The following HSPA14 variants were observed in gnomAD, a reference collection of about 807,000 sequenced individuals.
HSPA14 encodes the protein heat shock 70 kDa protein 14.
A neutral mutation model predicts 65.5 loss-of-function variants in HSPA14; 37 were observed. The observed-to-expected ratio is 0.56, with a 90% CI of 0.43 to 0.74. The LOEUF (loss-of-function observed/expected upper bound fraction) is 0.74, where lower values mean the gene tolerates loss of function less well. Ranked by LOEUF, HSPA14 falls within the 30% of genes least tolerant of loss-of-function variation. The pLI is 0.00. For missense variants in HSPA14, 564 were observed against 607.6 expected (o/e 0.93, Z 0.75); for synonymous variants, 203 against 214.2 (o/e 0.95, Z 0.46).
In HSPA14 at chr10:14,852,873, A is replaced by G. The variant is rs567987777; in HGVS notation, c.734+342A>G. Reference sequence around the variant, plus strand: ...ACTGAGGCTTCATTGCCTTCTGAACAGTTTTTAAAAGTTTGGCTCTGGTGA... The same window carrying G: ...ACTGAGGCTTCATTGCCTTCTGAACGGTTTTTAAAAGTTTGGCTCTGGTGA... On this transcript the variant is annotated intron_variant, in intron 8 of 13. Coordinates refer to ENST00000378372, the MANE Select transcript of HSPA14 (RefSeq NM_016299.4). Among the ~76,000 whole-genome samples the G allele has an allele frequency of 3.3e-5, 5 of 152,306 alleles. No homozygotes were observed. The East Asian group carries it at 9.6e-4, about 29-fold the overall frequency.
rs758708366 is a variant in HSPA14, at chr10:14,854,175, C to T, written c.785C>T (p.Thr262Met). The T allele has an allele frequency of 3.7e-6, 6 of 1,611,228 alleles. No individual in the cohort carries two copies. Among genetic ancestry groups the T allele is most frequent in the South Asian group, 3.3e-5 (3 of 90,278 alleles). ...RGNARAMMKLTNSAEVAKHSL... is the reference protein window; with the variant it reads ...RGNARAMMKLMNSAEVAKHSL... ...AATGCGCGAGCCATGATGAAATTAACGAACAGTGCTGAAGTAGCGAAACAT... is the reference window on the plus strand; with the variant it reads ...AATGCGCGAGCCATGATGAAATTAATGAACAGTGCTGAAGTAGCGAAACAT... Residue 262 changes from threonine (T) to methionine (M), a missense_variant, in exon 9 of 14, where the codon ACG becomes ATG. By Grantham distance (81) the Thr-to-Met change is moderately conservative (BLOSUM62 -1). Transcript: ENST00000378372.
intron 10 of HSPA14, among the ~76,000 whole-genome samples, chr10:14,858,394 C>T (rs903309534): frequency 1.3e-5 from 2 of 152,184 alleles, no homozygotes; most frequent in Non-Finnish European, 2.9e-5. Context: ...AAGACACAGG[C>T]TTTTGAGAAC....
At chr10:14,851,796 C>T (rs1834110515) in intron 7 of HSPA14, among the ~76,000 whole-genome samples, 1 of 152,118 alleles carries the variant, frequency 6.6e-6, no homozygotes, top group East Asian at 1.9e-4. Flanking sequence ...AATGGATAGT[C>T]GTTCAACTTT....
intron 3 of HSPA14, chr10:14,843,584 C>T (rs1219690212): frequency 6.4e-7 from 1 of 1,550,574 alleles, no homozygotes; most frequent in East Asian, 2.4e-5. Flanking sequence ...GGGGATAGGC[C>T]CTTGACCAGT....
rs781115907 is a variant in HSPA14, at chr10:14,867,264, T to TG, written c.1175_1176insG (p.Ile392MetfsTer11). On this transcript the variant is annotated frameshift_variant, in exon 11 of 14. Coordinates refer to ENST00000378372, the MANE Select transcript of HSPA14 (RefSeq NM_016299.4). LOFTEE classifies it high-confidence loss of function. ...CTGTTGGTGGAAGACTCTCTTATGA[T>TG]AGAGTGTTCAGCCAGAGATATTTTA... The TG allele has an allele frequency of 1.9e-6, 3 of 1,613,372 alleles. No homozygotes were observed. The Admixed American group carries it at 5.0e-5, about 27-fold the overall frequency.
At chr10:14,850,189 C>G (rs1834097438) in intron 6 of HSPA14, among the ~76,000 whole-genome samples, 1 of 151,588 alleles carries the variant, frequency 6.6e-6, no homozygotes, top group African/African-American at 2.4e-5. Flanking sequence ...TAAGAATCGC[C>G]TGAACCCAGG....
At position 14,842,127 on chromosome 10, in the gene HSPA14, C is replaced by CT; in HGVS notation, c.221+1972dup. The stretch of plus-strand genomic sequence containing the variant: ...CCTGTAACTCTCATTCCCCTGTGGC[C>CT]TTCCAGCCAGAAATGCGGTCCTTGG... On this transcript the variant is annotated intron_variant, in intron 3 of 13. Coordinates refer to ENST00000378372, the MANE Select transcript of HSPA14 (RefSeq NM_016299.4). The surrounding 1 kb of genome is among the most constrained non-coding windows in gnomAD (Gnocchi z 5.2). 6.5e-7 allele frequency: 1 copy of CT among 1,530,834 alleles called. No homozygotes were observed. Among genetic ancestry groups the CT allele is most frequent in the Middle Eastern group, 1.7e-4 (1 of 5,984 alleles). 94.8% of individuals were successfully genotyped at this position (1,530,834 alleles called of 1,614,324 possible).
intron 9 of HSPA14, 80 bp from the exon 10 acceptor site, chr10:14,855,757 ATTTG>A (rs1834141304): frequency 3.0e-6 from 2 of 671,382 alleles, no homozygotes; most frequent in East Asian, 2.7e-5. Flanking sequence ...GAAAAGTGAT[ATTTG>A]TTTGATTGTA....
Position 14,842,908 on chromosome 10 carries a change from G to T in HSPA14, c.221+2751G>T. 2 of 1,170,812 alleles carry T rather than the reference G, an allele frequency of 1.7e-6. No individual in the cohort carries two copies. The highest frequency in any genetic ancestry group is 2.4e-6 in the Non-Finnish European group (2 of 847,140). 72.5% of individuals were successfully genotyped at this position (1,170,812 alleles called of 1,614,324 possible). Reference sequence around the variant, plus strand: ...GTCTTGTGGCTCTAAACATTTAGCTGTGTCTGTTTGGATAGTGTCCTCTTC... The same window carrying T: ...GTCTTGTGGCTCTAAACATTTAGCTTTGTCTGTTTGGATAGTGTCCTCTTC... On this transcript the variant is annotated intron_variant, in intron 3 of 13. Transcript: ENST00000378372. The surrounding 1 kb of genome is among the most constrained non-coding windows in gnomAD (Gnocchi z 5.2).
chr10:14,860,797 G>C (rs954256263), intron 10 of HSPA14, among the ~76,000 whole-genome samples: 1 of 152,064 alleles, frequency 6.6e-6, no homozygotes, highest in African/African-American at 2.4e-5. Context: ...GTCTGGGCTG[G>C]AGACATGTTT....
At position 14,855,930 on chromosome 10, in the gene HSPA14, A is replaced by G. The variant is rs116239900; in HGVS notation, c.980A>G (p.Asp327Gly). ...GLLDQNGFTA[D>G]DINKVVLCGG... ...TTAGATCAAAATGGATTTACAGCAG[A>G]TGATATCAACAAGGTAATGCTTTTA... Residue 327 changes from aspartate to glycine, a missense_variant, in exon 10 of 14, where the codon GAT becomes GGT. Asp to Gly is a moderately conservative substitution (Grantham distance 94, BLOSUM62 -1). Coordinates refer to ENST00000378372, the MANE Select transcript of HSPA14 (RefSeq NM_016299.4). The G allele has an allele frequency of 1.0e-5, 16 of 1,565,880 alleles. No individual in the cohort carries two copies. Among genetic ancestry groups the G allele is most frequent in the Non-Finnish European group, 1.4e-5 (16 of 1,136,738 alleles).
At position 14,854,517 on chromosome 10, in the gene HSPA14, C is replaced by T. The variant is rs548281280; in HGVS notation, c.890+237C>T. The stretch of plus-strand genomic sequence containing the variant: ...GGCTACAATTAGGAGTGTGCAAAGG[C>T]ATCCTAGAACCTTCAACCTAGATCC... On this transcript the variant is annotated intron_variant, in intron 9 of 13. Coordinates refer to ENST00000378372, the MANE Select transcript of HSPA14 (RefSeq NM_016299.4). Among the ~76,000 whole-genome samples, 10 of 152,208 alleles carry T rather than the reference C, an allele frequency of 6.6e-5. No individual in the cohort carries two copies. In the South Asian group the frequency reaches 1.9e-3, roughly 28 times the overall value.
At chr10:14,870,134 C>T (rs1832841999) in intron 12 of HSPA14, among the ~76,000 whole-genome samples, 1 of 151,782 alleles carries the variant, frequency 6.6e-6, no homozygotes, top group South Asian at 2.1e-4. Context: ...CAAATATAAT[C>T]TTAGTTGTAC....
intron 12 of HSPA14, 134 bp from the exon 13 acceptor site, chr10:14,870,463 A>G (rs1308175102): frequency 3.3e-6 from 3 of 902,986 alleles, no homozygotes; most frequent in Non-Finnish European, 4.8e-6. Flanking sequence ...CAGTGGTAGG[A>G]GAATTGAAAA....
intron 10 of HSPA14, among the ~76,000 whole-genome samples, chr10:14,860,219 C>CA (rs1832739890): frequency 3.3e-5 from 5 of 152,222 alleles, no homozygotes; most frequent in Admixed American, 3.3e-4. Flanking sequence ...TTAATGGAGT[C>CA]TTCTGAATTT....
At chr10:14,853,963 A>C (rs1012670924) in intron 8 of HSPA14, among the ~76,000 whole-genome samples, 162 bp from the exon 9 acceptor site, 4 of 152,086 alleles carry the variant, frequency 2.6e-5, no homozygotes, top group African/African-American at 9.7e-5. Flanking sequence ...CAGGTGATCT[A>C]CCCATCTCAG....
At chr10:14,864,111 G>A (rs930204407) in intron 10 of HSPA14, among the ~76,000 whole-genome samples, 7 of 151,596 alleles carry the variant, frequency 4.6e-5, no homozygotes, top group Admixed American at 1.3e-4. Context: ...CCAGCTACTC[G>A]GGAGACTGAA....
chr10:14,844,175 C>T, intron 3 of HSPA14: 1 of 1,247,588 alleles, frequency 8.0e-7, no homozygotes, highest in East Asian at 4.4e-5. Flanking sequence ...AGCAGTTTAC[C>T]TCCCTCCAGT....
chr10:14,844,636 T>C (rs1033283359), intron 3 of HSPA14: 1 of 984,862 alleles, frequency 1.0e-6, no homozygotes. Context: ...TATAAGGAAA[T>C]AAGAAGTGCC....
Sources: gnomAD v4.1 joint callset for allele counts (sites outside exome capture counted in the v4.1 genomes callset) on GRCh38, gnomAD v4.1.1 for gene constraint, Gnocchi (gnomAD v3.1) non-coding constraint, MANE v1.5 for transcripts, NCBI Gene and HGNC (gene_info 2026-07-23, HGNC 2026-07-21) for gene names.